Variants in FAM200B observed in about 807,000 individuals in gnomAD.
FAM200B encodes the protein protein FAM200B.
A neutral mutation model predicts 33.1 loss-of-function variants in FAM200B; 32 were observed. That is an observed-to-expected ratio of 0.97 (90% CI 0.73 to 1.30). The LOEUF is 1.30. Ranked by LOEUF, FAM200B falls within the 50% of genes most tolerant of loss-of-function variation. The probability of loss-of-function intolerance (pLI) is 0.00; values close to 1 mark genes in which losing one functional copy is unlikely to be tolerated. For synonymous variants in FAM200B, 240 were observed against 264.8 expected (o/e 0.91, Z 0.91); for missense variants, 741 against 754.0 (o/e 0.98, Z 0.20).
the FAM200B span, among the ~76,000 whole-genome samples, chr4:15,648,985 T>C: frequency 6.6e-6 from 1 of 152,016 alleles, no homozygotes; most frequent in Non-Finnish European, 1.5e-5. Context: ...ATATATACAA[T>C]ATTTATTTGT....
the FAM200B span, among the ~76,000 whole-genome samples, chr4:15,639,599 T>C: frequency 6.6e-6 from 1 of 152,232 alleles, no homozygotes; most frequent in Non-Finnish European, 1.5e-5. Flanking sequence ...AACAAGGCTT[T>C]TTTTGTTTTG....
At chr4:15,656,341 T>C in the FAM200B span, 9 of 453,938 alleles carry the variant, frequency 2.0e-5, no homozygotes, top group Admixed American at 1.9e-4. Context: ...GCTGGAGTAC[T>C]GCTGGACAGA....
chr4:15,642,158 T>G, the FAM200B span, among the ~76,000 whole-genome samples: 1 of 152,114 alleles, frequency 6.6e-6, no homozygotes, highest in African/African-American at 2.4e-5. Flanking sequence ...AGCTATAAAC[T>G]TCTTCCTCAT....
rs971102522 is a variant in FAM200B at position 15,690,420 on chromosome 4, A to G, written c.*1469A>G. On this transcript the variant is annotated 3_prime_UTR_variant, in exon 2 of 2. Transcript: ENST00000422728. ...GTAATTGATTTTTTCTTTTTTTTTA[A>G]TGCTTGAAATAAAGTGTTGAAAAAC... The G allele has an allele frequency of 6.1e-6, 1 of 164,388 alleles. No individual in the cohort carries two copies. The highest frequency in any genetic ancestry group is 1.5e-5 in the Non-Finnish European group (1 of 68,008). The allele number at this position is 164,388 out of a possible 1,614,324, so 10.2% of individuals were successfully genotyped here. A position where few individuals can be genotyped will look rare whatever the true frequency, so the allele number is the denominator to read the frequency against.
At chr4:15,685,499 A>T (rs750971199) in intron 1 of FAM200B, among the ~76,000 whole-genome samples, 3 of 152,128 alleles carry the variant, frequency 2.0e-5, no homozygotes, top group Non-Finnish European at 4.4e-5. Flanking sequence ...AGTGATTAGG[A>T]TAGGGCAATA....
the FAM200B span, among the ~76,000 whole-genome samples, chr4:15,659,152 A>C: frequency 6.6e-6 from 1 of 152,162 alleles, no homozygotes; most frequent in African/African-American, 2.4e-5. Flanking sequence ...TAAAATAATT[A>C]ATTTCTTAGC....
Position 15,687,689 on chromosome 4 carries a change from T to C in FAM200B, c.712T>C (p.Cys238Arg). The C allele has an allele frequency of 6.4e-7, 1 of 1,551,310 alleles. No homozygotes were observed. Among genetic ancestry groups the C allele is most frequent in the Non-Finnish European group, 8.7e-7 (1 of 1,146,788 alleles). Residue 238 changes from cysteine (C) to arginine (R), a missense_variant, in exon 2 of 2, where the codon TGC (cysteine) becomes CGC (arginine). Cys to Arg is a radical substitution (Grantham distance 180, BLOSUM62 -3). Coordinates refer to ENST00000422728, the MANE Select transcript of FAM200B (RefSeq NM_001145191.2). ...TGATGAAAGCACTGATATTGGAAGC[T>C]GCACAACACTTTTAGTTTATGTCAG... ...QLDESTDIGSCTTLLVYVRYA... is the reference protein window; with the variant it reads ...QLDESTDIGSRTTLLVYVRYA...
chr4:15,667,998 G>A, the FAM200B span, among the ~76,000 whole-genome samples: 3 of 149,744 alleles, frequency 2.0e-5, no homozygotes, highest in Non-Finnish European at 3.0e-5. Context: ...CCAAGATTGC[G>A]CCATTGCACT....
upstream of FAM200B, among the ~76,000 whole-genome samples, chr4:15,679,807 A>C (rs1238078854): frequency 3.3e-5 from 5 of 151,544 alleles, no homozygotes; most frequent in African/African-American, 1.2e-4. Flanking sequence ...TTCTCTGCTG[A>C]TAGGAGTGTA....
At chr4:15,659,531 G>A in the FAM200B span, among the ~76,000 whole-genome samples, 2 of 152,120 alleles carry the variant, frequency 1.3e-5, no homozygotes, top group Non-Finnish European at 2.9e-5. Context: ...CGCAAACTAC[G>A]TTAACTGTCC....
At chr4:15,655,242 A>C in the FAM200B span, 1 of 1,440,298 alleles carries the variant, frequency 6.9e-7, no homozygotes, top group Admixed American at 2.2e-5. Flanking sequence ...TTCATCCGCC[A>C]GTGTGGGGCG....
the FAM200B span, among the ~76,000 whole-genome samples, chr4:15,639,152 G>A: frequency 0.092 from 14,026 of 152,262 alleles, 784 homozygotes; most frequent in Non-Finnish European, 0.12. Flanking sequence ...CAACAAGAGC[G>A]AAACTCTGTC....
chr4:15,660,920 T>C, the FAM200B span, among the ~76,000 whole-genome samples: 1 of 151,842 alleles, frequency 6.6e-6, no homozygotes, highest in East Asian at 1.9e-4. Context: ...CTACTAAAAA[T>C]ACAAAAATTA....
chr4:15,655,480 C>G, the FAM200B span: 1 of 778,888 alleles, frequency 1.3e-6, no homozygotes, highest in East Asian at 1.3e-4. Flanking sequence ...CCCACGTGAC[C>G]GGGCGCGCGC....
Position 15,690,009 on chromosome 4 carries a change from A to G in FAM200B, c.*1058A>G, listed in dbSNP as rs1488475363. 5 of 167,086 alleles carry G rather than the reference A, an allele frequency of 3.0e-5. No homozygotes were observed. In the East Asian group the frequency reaches 7.7e-4, roughly 26 times the overall value. The allele number at this position is 167,086 out of a possible 1,614,324, so 10.4% of individuals were successfully genotyped here. On this transcript the variant is annotated 3_prime_UTR_variant, in exon 2 of 2. Transcript: ENST00000422728. ...TTGCCTGATACATAGTATGTGTTCA[A>G]TACACATTTGCTAAAGAATAAATGA...
rs761972680 is a variant in FAM200B, at chr4:15,688,167, G to A, written c.1190G>A (p.Arg397Lys). 3 of 1,551,136 alleles carry A rather than the reference G, an allele frequency of 1.9e-6. No homozygotes were observed. The highest frequency in any genetic ancestry group is 2.7e-5 in the African/African-American group (2 of 73,078). Reference protein sequence around the residue: ...RWLSQGKILSRVYELRNEIHF... With the variant: ...RWLSQGKILSKVYELRNEIHF... ...TTGTCTCAAGGGAAAATACTAAGCA[G>A]GGTTTATGAGCTCAGGAATGAGATT... Residue 397 changes from arginine (R) to lysine (K), a missense_variant, in exon 2 of 2, where the codon AGG becomes AAG. Arg to Lys is a conservative substitution (Grantham distance 26, BLOSUM62 2). Coordinates refer to ENST00000422728, the MANE Select transcript of FAM200B (RefSeq NM_001145191.2).
the FAM200B span, chr4:15,641,550 T>C: frequency 2.2e-6 from 1 of 450,006 alleles, no homozygotes; most frequent in Non-Finnish European, 4.5e-6. Context: ...AGTATATATA[T>C]TTTACATATA....
At chr4:15,684,000 G>T (rs538954824) in intron 1 of FAM200B, among the ~76,000 whole-genome samples, 1 of 152,290 alleles carries the variant, frequency 6.6e-6, no homozygotes, top group Admixed American at 6.5e-5. Context: ...ATGCACCTTG[G>T]TGTATGAGAA....
the FAM200B span, among the ~76,000 whole-genome samples, chr4:15,663,624 T>C: frequency 6.6e-6 from 1 of 152,232 alleles, no homozygotes; most frequent in Non-Finnish European, 1.5e-5. Context: ...TACTACTACC[T>C]ATTCTAGTGG....
Sources: gnomAD v4.1 joint callset for allele counts (sites outside exome capture counted in the v4.1 genomes callset) on GRCh38, gnomAD v4.1.1 for gene constraint, MANE v1.5 for transcripts, NCBI Gene and HGNC (gene_info 2026-07-23, HGNC 2026-07-21) for gene names.